TRIM37: variants seen among roughly 807,000 people sequenced by gnomAD.
The protein encoded by TRIM37 is E3 ubiquitin-protein ligase TRIM37.
A neutral mutation model predicts 129.8 loss-of-function variants in TRIM37; 80 were observed. The ratio of observed to expected loss-of-function variants is 0.62; its 90% CI spans 0.51 to 0.74. The LOEUF is 0.74. Ranked by LOEUF, TRIM37 falls within the 30% of genes least tolerant of loss-of-function variation. The pLI is 0.00. For synonymous variants in TRIM37, 389 were observed against 387.1 expected (o/e 1.00, Z -0.06); for missense variants, 1,054 against 1,176.5 (o/e 0.90, Z 1.52).
chr17:59,045,357 C>T (rs963226154), intron 16 of TRIM37, among the ~76,000 whole-genome samples: 1 of 150,478 alleles, frequency 6.6e-6, no homozygotes, highest in Non-Finnish European at 1.5e-5. Flanking sequence ...AAAAAAATTA[C>T]GGCTGGGCGA....
chr17:59,000,361 A>AG (rs1167392482), intron 23 of TRIM37, among the ~76,000 whole-genome samples: 1 of 152,222 alleles, frequency 6.6e-6, no homozygotes, highest in Non-Finnish European at 1.5e-5. Flanking sequence ...GTACTTTGGG[A>AG]GGCCAAGGTG....
At chr17:59,062,029 TAA>T (rs1003998983) in intron 11 of TRIM37, among the ~76,000 whole-genome samples, 2 of 141,710 alleles carry the variant, frequency 1.4e-5, no homozygotes, top group Non-Finnish European at 1.5e-5. Flanking sequence ...AAAACTTTTC[TAA>T]AAAAAAAAAA....
intron 17 of TRIM37, among the ~76,000 whole-genome samples, chr17:59,040,569 T>C (rs1216164990): frequency 6.6e-6 from 1 of 151,910 alleles, no homozygotes; most frequent in East Asian, 1.9e-4. Context: ...GTTTGGAAAC[T>C]ATGGAAAGAC....
chr17:58,974,440 C>T, the TRIM37 span, among the ~76,000 whole-genome samples: 3 of 152,128 alleles, frequency 2.0e-5, no homozygotes, highest in Non-Finnish European at 4.4e-5. Flanking sequence ...CAATGAAACT[C>T]GGTCTAAAAC....
At chr17:58,999,504 T>A (rs1373612492) in intron 23 of TRIM37, 45 bp from the exon 24 acceptor site, 4 of 1,468,890 alleles carry the variant, frequency 2.7e-6, no homozygotes, top group Non-Finnish European at 3.7e-6. Context: ...TAAAAGCATA[T>A]AACAAGGGCA....
chr17:59,056,145 G>A (rs1243997387), intron 13 of TRIM37, among the ~76,000 whole-genome samples: 1 of 151,974 alleles, frequency 6.6e-6, no homozygotes, highest in Non-Finnish European at 1.5e-5. Context: ...GTCACTAGAA[G>A]TTCAACAGAC....
chr17:59,034,998 T>C (rs942449511), intron 17 of TRIM37, among the ~76,000 whole-genome samples: 3 of 152,192 alleles, frequency 2.0e-5, no homozygotes, highest in African/African-American at 7.2e-5. Flanking sequence ...TGGTCAACAT[T>C]ATTCATGAGA....
intron 18 of TRIM37, among the ~76,000 whole-genome samples, chr17:59,031,502 C>A (rs1284413543): frequency 6.6e-6 from 1 of 152,224 alleles, no homozygotes; most frequent in Non-Finnish European, 1.5e-5. Context: ...TTTTAAGCTA[C>A]TGAACATCAA....
chr17:59,071,656 C>A (rs1458328358), intron 8 of TRIM37, among the ~76,000 whole-genome samples: 1 of 152,130 alleles, frequency 6.6e-6, no homozygotes, highest in Non-Finnish European at 1.5e-5. Flanking sequence ...TACACACATA[C>A]ACCCGTGTGT....
Position 58,998,377 on chromosome 17 carries a change from T to C in TRIM37, c.*1000A>G, listed in dbSNP as rs964107817. ...TATTTAATTATTCATGCTTTTTCAA[T>C]AGTCTCTTAGTCAACTTTCAGTGTA... is the stretch of plus-strand genomic sequence containing the variant. On this transcript the variant is annotated 3_prime_UTR_variant, in exon 24 of 24. Transcript: ENST00000262294. 16 of 985,418 alleles carry C rather than the reference T, an allele frequency of 1.6e-5. No homozygotes were observed. The highest frequency in any genetic ancestry group is 4.7e-5 in the South Asian group (1 of 21,292). The allele number at this position is 985,418 out of a possible 1,614,324, so 61.0% of individuals were successfully genotyped here. A position where few individuals can be genotyped will look rare whatever the true frequency, so the allele number is the denominator to read the frequency against.
At position 59,049,201 on chromosome 17, in the gene TRIM37, T is replaced by C; in HGVS notation, c.1507A>G (p.Lys503Glu). ...ACATGATAATCTTCATTCTGAATCT[T>C]CTCCTCATCTTCTTCATCCTCTTTG... ...EAKEDEEDEEKIQNEDYHHEL... is the reference protein window; with the variant it reads ...EAKEDEEDEEEIQNEDYHHEL... Residue 503 changes from lysine to glutamate, a missense_variant, in exon 15 of 24, where the codon AAG becomes GAG. Lys to Glu is a moderately conservative substitution (Grantham distance 56). Transcript: ENST00000262294. 1 of 1,614,142 alleles carries C rather than the reference T, an allele frequency of 6.2e-7. No homozygotes were observed. Among genetic ancestry groups the C allele is most frequent in the East Asian group, 2.2e-5 (1 of 44,880 alleles).
intron 16 of TRIM37, among the ~76,000 whole-genome samples, chr17:59,046,921 G>A (rs143386655): frequency 0.019 from 2,812 of 150,932 alleles, 93 homozygotes; most frequent in African/African-American, 0.065. Flanking sequence ...TTGGGAGGCC[G>A]AGGTGGACGG....
intron 2 of TRIM37, among the ~76,000 whole-genome samples, chr17:59,098,668 T>TAAAA (rs57583644): frequency 9.6e-6 from 1 of 103,760 alleles, no homozygotes; most frequent in African/African-American, 3.7e-5. Flanking sequence ...CTGTCTCATT[T>TAAAA]AAAAAAAAAA....
At chr17:59,053,649 G>C (rs575395249) in intron 13 of TRIM37, among the ~76,000 whole-genome samples, 30 of 151,988 alleles carry the variant, frequency 2.0e-4, no homozygotes, top group Non-Finnish European at 4.0e-4. Flanking sequence ...TAAGAAAATG[G>C]GTCTTTTATA....
intron 3 of TRIM37, among the ~76,000 whole-genome samples, chr17:59,088,760 CT>C (rs917767537): frequency 6.6e-6 from 1 of 151,748 alleles, no homozygotes; most frequent in Non-Finnish European, 1.5e-5. Flanking sequence ...TCCAGTGATC[CT>C]CCCAAAGTAC....
chr17:59,033,305 TCTCA>T lies in TRIM37; in HGVS notation c.1754-1219_1754-1216del, dbSNP rs1038530807. ...ATTTATGCTTTTCACATCCTCATGT[TCTCA>T]CTGTCTCCCACTTCTGCCTCCTCTT... On this transcript the variant is annotated intron_variant, in intron 17 of 23. Coordinates refer to ENST00000262294, the MANE Select transcript of TRIM37 (RefSeq NM_015294.6). 1.3e-5 allele frequency among the ~76,000 whole-genome samples: 2 copies of T among 152,178 alleles called. 1 individual carries two copies. The highest frequency in any genetic ancestry group is 3.9e-4 in the East Asian group (2 of 5,166).
intron 8 of TRIM37, among the ~76,000 whole-genome samples, chr17:59,074,456 G>A (rs890236761): frequency 6.6e-6 from 1 of 152,202 alleles, no homozygotes; most frequent in Admixed American, 6.5e-5. Context: ...AGAAAAATAA[G>A]AGTATTTAGT....
intron 4 of TRIM37, 138 bp from the exon 5 acceptor site, chr17:59,084,227 C>T (rs2043556750): frequency 1.4e-6 from 1 of 694,516 alleles, no homozygotes; most frequent in Non-Finnish European, 2.4e-6. Context: ...TACTCCATGG[C>T]TTCTGAAAAG....
chr17:59,015,764 T>C lies in TRIM37; in HGVS notation c.2422A>G (p.Ser808Gly), dbSNP rs1273651382. The change falls in exon 21 of 24, where the codon AGT becomes GGT. Residue 808 changes from serine to glycine, a missense_variant. Ser to Gly is a moderately conservative substitution (Grantham distance 56). This residue lies in a region of TRIM37 where 287 missense variants were observed against 274.3 expected (regional missense o/e 1.05). Transcript: ENST00000262294. ...PGSSQSGSRH[S>G]SPRALIHGSI... ...CCATGTATCAAGGCTCGGGGAGAACTGTGCCTGCTCCCAGACTGAGAGCTT... is the reference window on the plus strand; with the variant it reads ...CCATGTATCAAGGCTCGGGGAGAACCGTGCCTGCTCCCAGACTGAGAGCTT... 1 of 1,613,736 alleles carries C rather than the reference T, an allele frequency of 6.2e-7. No homozygotes were observed. The highest frequency in any genetic ancestry group is 8.5e-7 in the Non-Finnish European group (1 of 1,180,010).
Sources: allele counts gnomAD v4.1 joint callset (sites outside exome capture counted in the v4.1 genomes callset), GRCh38; gene constraint gnomAD v4.1.1; regional missense constraint gnomAD v4.1.1; transcripts MANE v1.5; gene names NCBI Gene and HGNC (gene_info 2026-07-23, HGNC 2026-07-21).